FSTL5: variants seen among roughly 807,000 people sequenced by gnomAD.
FSTL5 encodes the protein follistatin-related protein 5.
Under a neutral mutation model 89.1 loss-of-function variants are expected in FSTL5, and 62 were observed. That is an observed-to-expected ratio of 0.70 (90% CI 0.57 to 0.86). The LOEUF is 0.86. Among genes scored for constraint, FSTL5 ranks in the 40% least tolerant of loss-of-function variants. The pLI is 0.00. For synonymous variants in FSTL5, 383 were observed against 346.2 expected (o/e 1.11, Z -1.18); for missense variants, 1,057 against 1,001.6 (o/e 1.06, Z -0.75).
At chr4:161,937,158 A>T (rs1734455977) in intron 3 of FSTL5, among the ~76,000 whole-genome samples, 1 of 152,140 alleles carries the variant, frequency 6.6e-6, no homozygotes, top group Non-Finnish European at 1.5e-5. Flanking sequence ...ACACAACATA[A>T]CAAAACCTGT....
At chr4:161,764,400 A>G (rs1740915253) in intron 5 of FSTL5, among the ~76,000 whole-genome samples, 1 of 151,998 alleles carries the variant, frequency 6.6e-6, no homozygotes, top group Non-Finnish European at 1.5e-5. Flanking sequence ...CTGGGACTAC[A>G]GGCTCCCACC....
chr4:161,618,535 G>A (rs781172476), intron 7 of FSTL5, among the ~76,000 whole-genome samples: 2 of 150,040 alleles, frequency 1.3e-5, no homozygotes, highest in Non-Finnish European at 3.0e-5. Flanking sequence ...TAGCATGAAG[G>A]GTTGTTGAAT....
intron 3 of FSTL5, among the ~76,000 whole-genome samples, chr4:162,004,567 C>T (rs372635427): frequency 6.6e-6 from 1 of 152,152 alleles, no homozygotes; most frequent in Non-Finnish European, 1.5e-5. Context: ...CTTCTAGATG[C>T]TTATCATTTA....
intron 6 of FSTL5, among the ~76,000 whole-genome samples, chr4:161,656,903 G>A (rs1205923274): frequency 2.6e-5 from 4 of 152,082 alleles, no homozygotes; most frequent in Non-Finnish European, 5.9e-5. Context: ...TGCAGTAGAC[G>A]GTAAAATGCA....
At chr4:161,817,719 C>T (rs184097838) in intron 4 of FSTL5, among the ~76,000 whole-genome samples, 5 of 152,042 alleles carry the variant, frequency 3.3e-5, no homozygotes, top group Admixed American at 6.5e-5. Flanking sequence ...TGTACATGTG[C>T]GTGTGCCTGT....
At chr4:161,665,046 T>C (rs1736838658) in intron 6 of FSTL5, 1 of 152,386 alleles carries the variant, frequency 6.6e-6, no homozygotes, top group African/African-American at 2.4e-5. Context: ...TTCTGGGAGA[T>C]ACAATTAAAG....
chr4:161,493,575 G>C (rs138824616), intron 12 of FSTL5, among the ~76,000 whole-genome samples: 1 of 151,898 alleles, frequency 6.6e-6, no homozygotes, highest in African/African-American at 2.4e-5. Flanking sequence ...TGATAGATTT[G>C]TGTGATTTTG....
At chr4:161,560,505 A>C (rs1208587590) in intron 8 of FSTL5, among the ~76,000 whole-genome samples, 2 of 151,712 alleles carry the variant, frequency 1.3e-5, no homozygotes, top group Non-Finnish European at 1.5e-5. Flanking sequence ...CTGTAATAAC[A>C]CTTAGCTTCA....
chr4:162,113,294 C>G (rs1008923312), intron 1 of FSTL5, among the ~76,000 whole-genome samples: 1 of 118,238 alleles, frequency 8.5e-6, no homozygotes, highest in Non-Finnish European at 1.8e-5. Flanking sequence ...CTCTTGTTTA[C>G]CCTTTAGATT....
chr4:161,835,072 C>A (rs1179141877), intron 4 of FSTL5, among the ~76,000 whole-genome samples: 2 of 146,478 alleles, frequency 1.4e-5, no homozygotes, highest in South Asian at 2.1e-4. Context: ...GCTACAGTAA[C>A]CAAAACAGCA....
intron 6 of FSTL5, among the ~76,000 whole-genome samples, chr4:161,720,008 C>T (rs562312407): frequency 6.6e-6 from 1 of 152,152 alleles, no homozygotes; most frequent in Admixed American, 6.5e-5. Flanking sequence ...ACTTTATTGG[C>T]TATTACACCA....
chr4:161,536,084 T>C (rs182734158), intron 10 of FSTL5, among the ~76,000 whole-genome samples: 111 of 152,100 alleles, frequency 7.3e-4, no homozygotes, highest in Admixed American at 1.2e-3. Flanking sequence ...TGGGAACTAC[T>C]AAAGGAGCGA....
At chr4:161,934,167 C>A (rs1414212879) in intron 3 of FSTL5, among the ~76,000 whole-genome samples, 2 of 152,002 alleles carry the variant, frequency 1.3e-5, no homozygotes, top group Admixed American at 6.6e-5. Context: ...AGTGATGGAG[C>A]CAGGCTTCAA....
intron 6 of FSTL5, among the ~76,000 whole-genome samples, chr4:161,698,763 A>C (rs1181454903): frequency 6.6e-6 from 1 of 152,126 alleles, no homozygotes; most frequent in Non-Finnish European, 1.5e-5. Flanking sequence ...CCCTGTCTCT[A>C]CTAAACATAC....
chr4:161,760,166 T>G (rs1740735904), intron 5 of FSTL5, among the ~76,000 whole-genome samples: 1 of 152,164 alleles, frequency 6.6e-6, no homozygotes. Context: ...CAGGCGTGAG[T>G]GAAGAAAATC....
At chr4:161,510,756 T>C (rs913543718) in intron 10 of FSTL5, among the ~76,000 whole-genome samples, 1 of 151,684 alleles carries the variant, frequency 6.6e-6, no homozygotes, top group African/African-American at 2.4e-5. Context: ...CAAGCATTAG[T>C]AGTTAAAACT....
intron 6 of FSTL5, among the ~76,000 whole-genome samples, chr4:161,660,555 G>T (rs1233978622): frequency 6.6e-6 from 1 of 152,074 alleles, no homozygotes; most frequent in Non-Finnish European, 1.5e-5. Context: ...TTGTTGTACA[G>T]ATTATTTCAT....
intron 1 of FSTL5, among the ~76,000 whole-genome samples, chr4:162,138,848 G>A (rs1465717540): frequency 4.0e-5 from 6 of 151,892 alleles, no homozygotes; most frequent in African/African-American, 9.7e-5. Flanking sequence ...ATCAGAAAAC[G>A]TATTTGATGT....
At chr4:161,561,154 A>C (rs994195573) in intron 8 of FSTL5, among the ~76,000 whole-genome samples, 5 of 151,898 alleles carry the variant, frequency 3.3e-5, no homozygotes, top group Non-Finnish European at 7.4e-5. Context: ...TTCATCATTG[A>C]CAGAAATGTT....
Sources: allele counts gnomAD v4.1 joint callset (sites outside exome capture counted in the v4.1 genomes callset), GRCh38; gene constraint gnomAD v4.1.1; transcripts MANE v1.5; gene names NCBI Gene and HGNC (gene_info 2026-07-23, HGNC 2026-07-21).